Variants in SPOCK1 observed in about 807,000 individuals in gnomAD.
The protein encoded by SPOCK1 is SPARC (osteonectin), cwcv and kazal like domains proteoglycan 1.
SPOCK1 carries 23 observed loss-of-function variants against 55.3 expected under a neutral mutation model. The ratio of observed to expected loss-of-function variants is 0.42; its 90% CI spans 0.30 to 0.59. The LOEUF (loss-of-function observed/expected upper bound fraction) is 0.59, where lower values mean the gene tolerates loss of function less well. Among genes scored for constraint, SPOCK1 ranks in the 20% least tolerant of loss-of-function variants. The pLI is 0.22. For missense variants in SPOCK1, 499 were observed against 552.5 expected (o/e 0.90, Z 0.97); for synonymous variants, 226 against 221.0 (o/e 1.02, Z -0.20).
At chr5:136,999,668 T>C (rs17719144) in intron 6 of SPOCK1, among the ~76,000 whole-genome samples, 4,823 of 152,090 alleles carry the variant, frequency 0.032, 98 homozygotes, top group Non-Finnish European at 0.047. Flanking sequence ...TAAAAAACAT[T>C]TGGGAGATGA....
chr5:137,043,406 G>T (rs1166443582), intron 6 of SPOCK1, among the ~76,000 whole-genome samples: 1 of 152,146 alleles, frequency 6.6e-6, no homozygotes, highest in African/African-American at 2.4e-5. Flanking sequence ...TCTACATAAG[G>T]AGATGGAACA....
At chr5:137,211,150 AG>A (rs1755607011) in intron 3 of SPOCK1, among the ~76,000 whole-genome samples, 2 of 152,226 alleles carry the variant, frequency 1.3e-5, no homozygotes, top group African/African-American at 4.8e-5. Context: ...ATGAAGAAAC[AG>A]AGGTCCAGGG....
At chr5:137,279,073 A>G (rs1187935469) in intron 2 of SPOCK1, among the ~76,000 whole-genome samples, 1 of 152,114 alleles carries the variant, frequency 6.6e-6, no homozygotes, top group Non-Finnish European at 1.5e-5. Context: ...TAGGACCTCA[A>G]TGCCCGATGA....
chr5:137,077,733 G>A (rs528124281), intron 5 of SPOCK1, among the ~76,000 whole-genome samples: 10 of 152,136 alleles, frequency 6.6e-5, no homozygotes, highest in South Asian at 2.1e-4. Flanking sequence ...AGTCCAGAGC[G>A]GCCCAGCCAG....
intron 5 of SPOCK1, among the ~76,000 whole-genome samples, chr5:137,096,654 G>A (rs1170759807): frequency 3.3e-5 from 5 of 152,358 alleles, no homozygotes; most frequent in Admixed American, 2.0e-4. Context: ...AGAAATCGAT[G>A]AGCCAACCCA....
At chr5:136,989,120 C>A (rs1029531143) in intron 7 of SPOCK1, among the ~76,000 whole-genome samples, 1 of 152,200 alleles carries the variant, frequency 6.6e-6, no homozygotes, top group East Asian at 1.9e-4. Context: ...CCCAGAGGAC[C>A]TTTAAATCCA....
rs563435130 is a variant in SPOCK1 at position 137,252,879 on chromosome 5, C to T, written c.232+14131G>A. On this transcript the variant is annotated intron_variant, in intron 3 of 10. Coordinates refer to ENST00000394945, the MANE Select transcript of SPOCK1 (RefSeq NM_004598.4). ...GATCTGTGGATACGGCTCCACACTTCGAAGCTGGACAACAGCACACTGGTA... is the reference window on the plus strand; with the variant it reads ...GATCTGTGGATACGGCTCCACACTTTGAAGCTGGACAACAGCACACTGGTA... 9.9e-5 allele frequency among the ~76,000 whole-genome samples: 15 copies of T among 152,282 alleles called. No individual in the cohort carries two copies. In the East Asian group the frequency reaches 2.1e-3, roughly 22 times the overall value.
chr5:137,137,785 A>G (rs1303825897), intron 4 of SPOCK1, among the ~76,000 whole-genome samples: 1 of 152,236 alleles, frequency 6.6e-6, no homozygotes, highest in African/African-American at 2.4e-5. Flanking sequence ...GGACCAAGGC[A>G]CCTGTAGTGA....
Position 137,477,394 on chromosome 5 carries a change from G to A in SPOCK1, c.186+20979C>T, listed in dbSNP as rs568265003. 5.9e-5 allele frequency among the ~76,000 whole-genome samples: 9 copies of A among 152,088 alleles called. No homozygotes were observed. In the South Asian group the frequency reaches 1.7e-3, roughly 28 times the overall value. On this transcript the variant is annotated intron_variant, in intron 2 of 10. Coordinates refer to ENST00000394945, the MANE Select transcript of SPOCK1 (RefSeq NM_004598.4). ...GTTTTTTTTAAGTAGTGAATTTATT[G>A]TTGTAAGTGGGACTGGGAAGGCGGT...
chr5:137,330,015 T>C (rs1469257987), intron 2 of SPOCK1, among the ~76,000 whole-genome samples: 1 of 152,126 alleles, frequency 6.6e-6, no homozygotes, highest in Admixed American at 6.5e-5. Flanking sequence ...TTATTATATG[T>C]CCCATGGGAA....
intron 2 of SPOCK1, among the ~76,000 whole-genome samples, chr5:137,460,538 T>A (rs753098164): frequency 6.6e-6 from 1 of 152,182 alleles, no homozygotes; most frequent in Non-Finnish European, 1.5e-5. Context: ...AGCCAGCAGA[T>A]GCAGGCCAGG....
intron 5 of SPOCK1, among the ~76,000 whole-genome samples, chr5:137,110,419 A>T (rs1322170742): frequency 6.6e-6 from 1 of 152,184 alleles, no homozygotes; most frequent in African/African-American, 2.4e-5. Context: ...GCATCTCCAG[A>T]TGATTGTTTA....
intron 3 of SPOCK1, among the ~76,000 whole-genome samples, chr5:137,181,026 A>C (rs1321615712): frequency 6.6e-6 from 1 of 152,230 alleles, no homozygotes. Flanking sequence ...CACCAAGATC[A>C]TCAGTTCAAG....
intron 2 of SPOCK1, among the ~76,000 whole-genome samples, chr5:137,410,597 C>A (rs1752189479): frequency 6.6e-6 from 1 of 152,248 alleles, no homozygotes; most frequent in Admixed American, 6.5e-5. Flanking sequence ...GATATCCCTG[C>A]ATTTTAATAA....
chr5:137,393,733 T>C (rs1273981389), intron 2 of SPOCK1, among the ~76,000 whole-genome samples: 1 of 152,228 alleles, frequency 6.6e-6, no homozygotes, highest in Non-Finnish European at 1.5e-5. Flanking sequence ...CCAGCCTAGC[T>C]GACAATGTTC....
intron 4 of SPOCK1, among the ~76,000 whole-genome samples, chr5:137,118,878 C>T (rs1268497126): frequency 6.6e-6 from 1 of 152,206 alleles, no homozygotes; most frequent in Non-Finnish European, 1.5e-5. Flanking sequence ...AGGAGTAAAG[C>T]AATTCCAGAT....
At chr5:137,309,154 C>T (rs933818748) in intron 2 of SPOCK1, among the ~76,000 whole-genome samples, 6 of 152,140 alleles carry the variant, frequency 3.9e-5, no homozygotes, top group Admixed American at 2.0e-4. Context: ...GATAGATCTT[C>T]AGTGTGAAGT....
At chr5:137,444,248 C>A (rs1437860102) in intron 2 of SPOCK1, among the ~76,000 whole-genome samples, 1 of 152,198 alleles carries the variant, frequency 6.6e-6, no homozygotes, top group East Asian at 1.9e-4. Context: ...GTCCACCAGG[C>A]AGTTGCCTAC....
At chr5:136,981,494 C>G (rs766331559) in intron 9 of SPOCK1, among the ~76,000 whole-genome samples, 2 of 152,090 alleles carry the variant, frequency 1.3e-5, no homozygotes, top group African/African-American at 4.8e-5. Flanking sequence ...AGTTGCTTCC[C>G]ATGTATTTGG....
Sources: gnomAD v4.1 joint callset for allele counts (sites outside exome capture counted in the v4.1 genomes callset) on GRCh38, gnomAD v4.1.1 for gene constraint, MANE v1.5 for transcripts, NCBI Gene and HGNC (gene_info 2026-07-23, HGNC 2026-07-21) for gene names.